Variants in RETREG1 observed in about 807,000 individuals in gnomAD.
RETREG1 encodes reticulophagy regulator 1.
RETREG1 carries 44 observed loss-of-function variants against 54.8 expected under a neutral mutation model. The ratio of observed to expected loss-of-function variants is 0.80; its 90% CI spans 0.63 to 1.03. The LOEUF is 1.03. RETREG1 is among the 50% of genes least tolerant of loss of function. The pLI, the probability that RETREG1 is intolerant of heterozygous loss-of-function variation, is 0.00. For synonymous variants in RETREG1, 217 were observed against 238.5 expected (o/e 0.91, Z 0.83); for missense variants, 554 against 605.1 (o/e 0.92, Z 0.89).
At chr5:16,566,550 C>T (rs1284571202) in intron 2 of RETREG1, among the ~76,000 whole-genome samples, 2 of 152,326 alleles carry the variant, frequency 1.3e-5, no homozygotes, top group East Asian at 1.9e-4. Context: ...AACAAAAAGC[C>T]AAATGTGTTG....
chr5:16,531,555 G>A (rs1053568388), intron 3 of RETREG1, among the ~76,000 whole-genome samples: 2 of 152,148 alleles, frequency 1.3e-5, no homozygotes, highest in African/African-American at 2.4e-5. Context: ...AGTACAGAGT[G>A]AGACAGAAAT....
chr5:16,549,571 C>T (rs537660850), intron 3 of RETREG1, among the ~76,000 whole-genome samples: 19 of 152,296 alleles, frequency 1.2e-4, no homozygotes, highest in African/African-American at 4.6e-4. Flanking sequence ...TCCATTTAGA[C>T]ATTCTCTCAA....
At position 16,616,987 on chromosome 5, in the gene RETREG1, C is replaced by T. The variant is rs1439668821; in HGVS notation, c.-16G>A. ...GGCTCGCCATCTTCAGCTGTGCTTC[C>T]AGACAGGGACGGGGCCGGGCGCGCG... On this transcript the variant is annotated 5_prime_UTR_variant, in exon 1 of 9. Transcript: ENST00000306320. 5.9e-6 allele frequency: 8 copies of T among 1,361,744 alleles called. No individual in the cohort carries two copies. The Middle Eastern group carries it at 8.0e-4, about 136-fold the overall frequency. 84.4% of individuals were successfully genotyped at this position (1,361,744 alleles called of 1,614,324 possible).
intron 2 of RETREG1, among the ~76,000 whole-genome samples, chr5:16,567,841 G>A (rs1742059875): frequency 6.6e-6 from 1 of 152,098 alleles, no homozygotes; most frequent in Non-Finnish European, 1.5e-5. Context: ...TGCACCTGTA[G>A]TCCTAGCCAC....
At chr5:16,596,683 C>T (rs943820151) in intron 1 of RETREG1, among the ~76,000 whole-genome samples, 4 of 152,152 alleles carry the variant, frequency 2.6e-5, no homozygotes, top group African/African-American at 9.7e-5. Flanking sequence ...ACGCACCCTC[C>T]AGGGCAAAAC....
intron 1 of RETREG1, among the ~76,000 whole-genome samples, chr5:16,596,555 T>G (rs1021062039): frequency 4.6e-5 from 7 of 152,182 alleles, no homozygotes; most frequent in African/African-American, 1.7e-4. Flanking sequence ...ACTAGAATAT[T>G]TGTTTTGAAA....
At position 16,538,421 on chromosome 5, in the gene RETREG1, G is replaced by A. The variant is rs916216153; in HGVS notation, c.458+27342C>T. Among the ~76,000 whole-genome samples the A allele has an allele frequency of 2.6e-5, 4 of 152,138 alleles. No homozygotes were observed. In the East Asian group the frequency reaches 7.7e-4, roughly 29 times the overall value. ...AAGATAACAGATAATAATGATGATC[G>A]CTAAAGTGAACGGAATGCAGCCCAC... On this transcript the variant is annotated intron_variant, in intron 3 of 8. Coordinates refer to ENST00000306320, the MANE Select transcript of RETREG1 (RefSeq NM_001034850.3).
At chr5:16,573,731 G>C (rs1232279284) in intron 1 of RETREG1, among the ~76,000 whole-genome samples, 4 of 109,820 alleles carry the variant, frequency 3.6e-5, no homozygotes, top group Admixed American at 1.0e-4. Flanking sequence ...TTTTGGGTTT[G>C]TTTGTTTTTT....
chr5:16,557,934 G>A (rs1741754056), intron 3 of RETREG1, among the ~76,000 whole-genome samples: 1 of 152,114 alleles, frequency 6.6e-6, no homozygotes, highest in South Asian at 2.1e-4. Context: ...ATTAAGACAT[G>A]AGGGGTCTGC....
At position 16,585,937 on chromosome 5, in the gene RETREG1, C is replaced by G. The variant is rs960512137; in HGVS notation, c.321-13835G>C. ...AGATCCACCCCCATCACCCAAACACCTCCCACCACACCCCACCTCCAACAC... is the reference window on the plus strand; with the variant it reads ...AGATCCACCCCCATCACCCAAACACGTCCCACCACACCCCACCTCCAACAC... On this transcript the variant is annotated intron_variant, in intron 1 of 8. Transcript: ENST00000306320. This position sits in a 1 kb window ranked among gnomAD's most constrained non-coding sequence, Gnocchi z 4.5. 1.3e-5 allele frequency among the ~76,000 whole-genome samples: 2 copies of G among 152,110 alleles called. No homozygotes were observed. Among genetic ancestry groups the G allele is most frequent in the African/African-American group, 4.8e-5 (2 of 41,414 alleles).
At chr5:16,502,808 G>A (rs546280045) in intron 3 of RETREG1, among the ~76,000 whole-genome samples, 1 of 152,334 alleles carries the variant, frequency 6.6e-6, no homozygotes, top group South Asian at 2.1e-4. Context: ...CTTGCCCTCA[G>A]GCAAGACTTC....
At chr5:16,569,888 T>C (rs1413556879) in intron 2 of RETREG1, among the ~76,000 whole-genome samples, 6 of 152,160 alleles carry the variant, frequency 3.9e-5, no homozygotes, top group Admixed American at 3.9e-4. Flanking sequence ...GAAGGTCAGG[T>C]GAGCATGAAA....
chr5:16,475,222 G>T lies in RETREG1; in HGVS notation c.1013C>A (p.Pro338His), dbSNP rs886060395. The T allele has an allele frequency of 6.2e-7, 1 of 1,612,046 alleles. No homozygotes were observed. The highest frequency in any genetic ancestry group is 1.3e-5 in the African/African-American group (1 of 74,858). Residue 338 changes from proline to histidine, a missense_variant, in exon 9 of 9, where the codon CCC becomes CAC. Around this residue, in one of 4 missense-constraint regions of RETREG1, gnomAD observed 347 missense variants for 412.3 expected, o/e 0.84. Transcript: ENST00000306320. ...ATCTCTAGAGAAAACTTCCTCACTG[G>T]GTCGGTCAAGATCTGTGAAATGGAT... ...QTDTSDDLDRPSEEVFSRDLS... is the reference protein window; with the variant it reads ...QTDTSDDLDRHSEEVFSRDLS...
intron 3 of RETREG1, among the ~76,000 whole-genome samples, chr5:16,541,877 TG>T (rs920370931): frequency 1.3e-5 from 2 of 152,126 alleles, no homozygotes; most frequent in African/African-American, 4.8e-5. Flanking sequence ...TCTACATCTA[TG>T]GTTGAAACAA....
At chr5:16,507,871 C>T (rs535748518) in intron 3 of RETREG1, among the ~76,000 whole-genome samples, 121 of 152,302 alleles carry the variant, frequency 7.9e-4, no homozygotes, top group African/African-American at 2.9e-3. Flanking sequence ...ATTTCAATGG[C>T]CCCAATTAGA....
At chr5:16,497,721 T>G (rs1739522531) in intron 3 of RETREG1, among the ~76,000 whole-genome samples, 1 of 152,176 alleles carries the variant, frequency 6.6e-6, no homozygotes, top group Non-Finnish European at 1.5e-5. Context: ...ACCATTGCCA[T>G]GCATGGCAGA....
intron 2 of RETREG1, among the ~76,000 whole-genome samples, chr5:16,569,343 A>G (rs979400815): frequency 5.4e-5 from 8 of 146,990 alleles, no homozygotes; most frequent in Non-Finnish European, 8.9e-5. Context: ...CACTCAGAGC[A>G]CTGTCATCCG....
At chr5:16,546,677 C>T (rs1435156809) in intron 3 of RETREG1, among the ~76,000 whole-genome samples, 1 of 152,152 alleles carries the variant, frequency 6.6e-6, no homozygotes, top group Non-Finnish European at 1.5e-5. Context: ...TCAGTGTGTA[C>T]AAAATAAATG....
chr5:16,577,033 GCACGCA>G (rs1024790266), intron 1 of RETREG1, among the ~76,000 whole-genome samples: 2 of 92,890 alleles, frequency 2.2e-5, no homozygotes, highest in South Asian at 7.5e-4. Context: ...ATTTTTGTGT[GCACGCA>G]CACACACACA....
Sources: allele counts gnomAD v4.1 joint callset (sites outside exome capture counted in the v4.1 genomes callset), GRCh38; gene constraint gnomAD v4.1.1; regional missense constraint gnomAD v4.1.1; non-coding constraint Gnocchi (gnomAD v3.1); transcripts MANE v1.5; gene names NCBI Gene and HGNC (gene_info 2026-07-23, HGNC 2026-07-21).